The following NFYC variants were observed in gnomAD, a reference collection of about 807,000 sequenced individuals.
NFYC encodes nuclear transcription factor Y subunit gamma, also known as CAAT box DNA-binding protein subunit C.
Under a neutral mutation model 53.1 loss-of-function variants are expected in NFYC, and 25 were observed. That is an observed-to-expected ratio of 0.47 (90% CI 0.34 to 0.66). NFYC has a LOEUF of 0.66. Among genes scored for constraint, NFYC ranks in the 30% least tolerant of loss-of-function variants. The pLI is 0.01. For missense variants in NFYC, 260 were observed against 422.7 expected, an observed-to-expected ratio of 0.62 and a Z score of 3.38; for synonymous variants, 145 against 152.6, an observed-to-expected ratio of 0.95 and a Z score of 0.37.
intron 1 of NFYC, among the ~76,000 whole-genome samples, chr1:40,704,948 G>C (rs1643622053): frequency 6.6e-6 from 1 of 152,192 alleles, no homozygotes; most frequent in African/African-American, 2.4e-5. Flanking sequence ...GCCTTAAGCA[G>C]GTCTTCTCCC....
At chr1:40,764,010 T>G (rs1646695136) in intron 7 of NFYC, among the ~76,000 whole-genome samples, 1 of 152,258 alleles carries the variant, frequency 6.6e-6, no homozygotes, top group South Asian at 2.1e-4. Flanking sequence ...ATAACTTATC[T>G]ATTCCTTTAC....
intron 1 of NFYC, among the ~76,000 whole-genome samples, chr1:40,702,545 T>C (rs1643490475): frequency 6.6e-6 from 1 of 152,020 alleles, no homozygotes; most frequent in Non-Finnish European, 1.5e-5. Flanking sequence ...GGTTTCACCA[T>C]GTTAGCCAGG....
At chr1:40,705,807 GA>G (rs1215753932) in intron 1 of NFYC, among the ~76,000 whole-genome samples, 1 of 152,106 alleles carries the variant, frequency 6.6e-6, no homozygotes, top group East Asian at 1.9e-4. Flanking sequence ...AGGGCAGTGG[GA>G]TGATCACGGC....
At chr1:40,743,951 C>T (rs1645480150) in intron 2 of NFYC, among the ~76,000 whole-genome samples, 2 of 152,182 alleles carry the variant, frequency 1.3e-5, no homozygotes, top group African/African-American at 2.4e-5. Context: ...TCACTTGGAT[C>T]ATAGTCACAA....
At chr1:40,756,799 C>T (rs989745397) in intron 5 of NFYC, among the ~76,000 whole-genome samples, 9 of 152,238 alleles carry the variant, frequency 5.9e-5, no homozygotes, top group Non-Finnish European at 8.8e-5. Context: ...TCATTCATCA[C>T]GCACTTACTG....
At chr1:40,736,866 C>A (rs1415805382) in intron 1 of NFYC, among the ~76,000 whole-genome samples, 1 of 149,048 alleles carries the variant, frequency 6.7e-6, no homozygotes, top group African/African-American at 2.5e-5. Flanking sequence ...GTGGCTCACG[C>A]CTGTAATCCC....
intron 1 of NFYC, chr1:40,712,528 C>G (rs1362575339): frequency 6.9e-6 from 1 of 144,562 alleles, no homozygotes; most frequent in Non-Finnish European, 1.5e-5. Context: ...AGTTTGTATA[C>G]CAAATATTTA....
chr1:40,763,317 T>G lies in NFYC; in HGVS notation c.720+271T>G, dbSNP rs143759811. 1.3e-4 allele frequency: 62 copies of G among 469,880 alleles called. 2 individuals are homozygous for G. Among genetic ancestry groups the G allele is most frequent in the East Asian group, 8.3e-4 (13 of 15,584 alleles). The allele number at this position is 469,880 out of a possible 1,614,324, so 29.1% of individuals were successfully genotyped here. On this transcript the variant is annotated intron_variant, in intron 7 of 9. Coordinates refer to ENST00000447388, the MANE Select transcript of NFYC (RefSeq NM_014223.5). The stretch of plus-strand genomic sequence containing the variant: ...CTATATATATACCTTGATATATATA[T>G]AGAGATATATATCACACGCATGCAT...
intron 4 of NFYC, among the ~76,000 whole-genome samples, chr1:40,751,139 A>G (rs1211271898): frequency 1.3e-5 from 2 of 152,236 alleles, no homozygotes; most frequent in African/African-American, 2.4e-5. Flanking sequence ...GTGTCCATCA[A>G]TATAGGAATA....
intron 7 of NFYC, chr1:40,763,486 A>G (rs1348480131): frequency 2.3e-6 from 1 of 442,144 alleles, no homozygotes; most frequent in Non-Finnish European, 4.5e-6. Context: ...AGCTGGGATT[A>G]TAGGCACGTG....
intron 6 of NFYC, among the ~76,000 whole-genome samples, chr1:40,761,223 G>A (rs1018587887): frequency 1.3e-5 from 2 of 152,312 alleles, no homozygotes; most frequent in African/African-American, 4.8e-5. Flanking sequence ...TTTCATCTGT[G>A]CTCCTCTCTG....
At chr1:40,767,656 G>A (rs949825469) in intron 8 of NFYC, among the ~76,000 whole-genome samples, 9 of 152,300 alleles carry the variant, frequency 5.9e-5, no homozygotes, top group Middle Eastern at 6.8e-3. Flanking sequence ...GGGAGGAAAT[G>A]AGAAGGAAGC....
rs1286215843 is a variant in NFYC, at chr1:40,738,853, G to C, written c.10G>C (p.Glu4Gln). Residue 4 changes from glutamate to glutamine, a missense_variant, in exon 2 of 10, where the codon GAA (glutamate) becomes CAA (glutamine). Coordinates refer to ENST00000447388, the MANE Select transcript of NFYC (RefSeq NM_014223.5). MSTEGGFGGTSSSD... is the reference protein window; with the variant it reads MSTQGGFGGTSSSD... Reference sequence around the variant, plus strand: ...ATTTTCAGTTGTCGAGATGTCCACAGAAGGAGGATTTGGTGGTACTAGCAG... The same window carrying C: ...ATTTTCAGTTGTCGAGATGTCCACACAAGGAGGATTTGGTGGTACTAGCAG... 2 of 1,613,760 alleles carry C rather than the reference G, an allele frequency of 1.2e-6. No homozygotes were observed. Among genetic ancestry groups the C allele is most frequent in the African/African-American group, 2.7e-5 (2 of 74,928 alleles).
intron 1 of NFYC, among the ~76,000 whole-genome samples, chr1:40,701,233 A>G (rs1419447153): frequency 2.0e-5 from 3 of 152,096 alleles, no homozygotes; most frequent in Non-Finnish European, 4.4e-5. Flanking sequence ...CTCCTGCCTC[A>G]GCCTCCTGAG....
At chr1:40,695,917 T>C (rs1643109363) in intron 1 of NFYC, among the ~76,000 whole-genome samples, 1 of 152,102 alleles carries the variant, frequency 6.6e-6, no homozygotes. Flanking sequence ...AGGTAGATAA[T>C]ATAGCCACCC....
intron 1 of NFYC, among the ~76,000 whole-genome samples, chr1:40,715,012 G>A (rs1644075403): frequency 6.6e-6 from 1 of 152,000 alleles, no homozygotes. Context: ...TCCGGGAGGC[G>A]GAGCTTGCAG....
intron 1 of NFYC, among the ~76,000 whole-genome samples, chr1:40,698,729 T>C (rs1014400686): frequency 1.3e-5 from 2 of 152,168 alleles, no homozygotes; most frequent in African/African-American, 2.4e-5. Context: ...GCCAATAGTA[T>C]ATCCTTTGCC....
chr1:40,760,729 AAG>A (rs1553161576), intron 6 of NFYC, among the ~76,000 whole-genome samples: 5 of 152,058 alleles, frequency 3.3e-5, no homozygotes, highest in African/African-American at 1.2e-4. Flanking sequence ...AAAAAAAAAA[AAG>A]GTAATTATGA....
intron 1 of NFYC, among the ~76,000 whole-genome samples, chr1:40,711,793 G>A (rs1643936290): frequency 2.0e-5 from 3 of 152,196 alleles, no homozygotes; most frequent in Admixed American, 2.0e-4. Context: ...GTGGCTGTGT[G>A]TGTAAGTGGG....
Sources: allele counts gnomAD v4.1 joint callset (sites outside exome capture counted in the v4.1 genomes callset), GRCh38; gene constraint gnomAD v4.1.1; transcripts MANE v1.5; gene names NCBI Gene and HGNC (gene_info 2026-07-23, HGNC 2026-07-21).